Variants in TK2 observed in about 807,000 individuals in gnomAD.
TK2 encodes the protein thymidine kinase 2, also known as thymidine kinase 2, mitochondrial.
Under a neutral mutation model 41.9 loss-of-function variants are expected in TK2, and 35 were observed. The observed-to-expected ratio is 0.84, with a 90% CI of 0.64 to 1.11. The LOEUF is 1.11. Ranked by LOEUF, TK2 falls within the 50% of genes least tolerant of loss-of-function variation. TK2 has a pLI of 0.00. For missense variants in TK2, 320 were observed against 351.1 expected (o/e 0.91, Z 0.71); for synonymous variants, 128 against 129.1 (o/e 0.99, Z 0.06).
At chr16:66,550,129 CCAGCCGTTGGGCGCCG>C, upstream of TK2, 1 of 1,612,180 alleles carries the variant, frequency 6.2e-7, no homozygotes, top group Non-Finnish European at 8.5e-7. Context: ...GACTGCTAGT[CCAGCCGTTGGGCGCCG>C]CCTGGATCCC....
chr16:66,548,317 T>C (rs1231558878), intron 2 of TK2, among the ~76,000 whole-genome samples: 1 of 152,148 alleles, frequency 6.6e-6, no homozygotes, highest in Non-Finnish European at 1.5e-5. Flanking sequence ...CTGCCACCAC[T>C]TGCCAAGCCA....
At chr16:66,516,778 G>A (rs922114965) in intron 8 of TK2, among the ~76,000 whole-genome samples, 8 of 152,080 alleles carry the variant, frequency 5.3e-5, no homozygotes, top group Admixed American at 2.6e-4. Context: ...CCTGGAACTC[G>A]CATTCTAGGG....
chr16:66,508,281 T>TGTAAA lies in TK2; in HGVS notation c.*3682_*3686dup, dbSNP rs1964351623. The TGTAAA allele has an allele frequency of 6.6e-6, 1 of 152,248 alleles. No homozygotes were observed. Among genetic ancestry groups the TGTAAA allele is most frequent in the Non-Finnish European group, 1.5e-5 (1 of 68,044 alleles). 9.4% of individuals were successfully genotyped at this position (152,248 alleles called of 1,614,324 possible). ...AGCTTTTGCCAAGTTCACCATCTTA[T>TGTAAA]GTAAACTAAAGGAACACGAAATTCA... On this transcript the variant is annotated 3_prime_UTR_variant, in exon 10 of 10. Transcript: ENST00000544898.
intron 1 of TK2, chr16:66,549,429 C>A: frequency 1.9e-6 from 2 of 1,077,502 alleles, no homozygotes; most frequent in Middle Eastern, 9.0e-4. Flanking sequence ...GCCCATCCGT[C>A]CCACAGGTGG....
chr16:66,511,524 C>T lies in TK2; in HGVS notation c.*444G>A. 1 of 302,992 alleles carries T rather than the reference C, an allele frequency of 3.3e-6. No individual in the cohort carries two copies. Among genetic ancestry groups the T allele is most frequent in the Non-Finnish European group, 6.4e-6 (1 of 155,406 alleles). The allele number at this position is 302,992 out of a possible 1,614,324, so 18.8% of individuals were successfully genotyped here. ...TGAATGGTGCCAGCTCCACTGCACACAGGCTGTGTGACCTCTGGGGAGCCC... is the reference window on the plus strand; with the variant it reads ...TGAATGGTGCCAGCTCCACTGCACATAGGCTGTGTGACCTCTGGGGAGCCC... On this transcript the variant is annotated 3_prime_UTR_variant, in exon 10 of 10. Coordinates refer to ENST00000544898, the MANE Select transcript of TK2 (RefSeq NM_004614.5).
At chr16:66,520,119 G>C (rs1964737318) in intron 6 of TK2, among the ~76,000 whole-genome samples, 1 of 152,176 alleles carries the variant, frequency 6.6e-6, no homozygotes, top group Admixed American at 6.5e-5. Context: ...GGCCAGGGCA[G>C]ACCAACCTGT....
intron 2 of TK2, among the ~76,000 whole-genome samples, chr16:66,543,853 C>T (rs1965529102): frequency 6.6e-6 from 1 of 152,162 alleles, no homozygotes; most frequent in Admixed American, 6.5e-5. Context: ...CACAAGGCCA[C>T]TCTCCCATCC....
At chr16:66,515,587 A>G (rs1320464700) in intron 8 of TK2, among the ~76,000 whole-genome samples, 2 of 152,206 alleles carry the variant, frequency 1.3e-5, no homozygotes, top group Admixed American at 1.3e-4. Context: ...TCTCCTGCCC[A>G]GCTCTCCCTT....
At position 66,536,998 on chromosome 16, in the gene TK2, G is replaced by T. The variant is rs751112288; in HGVS notation, c.251C>A (p.Ser84Tyr). ...TDVEVLTEPV[S>Y]KWRNVRGHNP... ...GTGGCCACGGACATTTCTCCACTTG[G>T]ACACAGGCTCCGTTAACACCTGGAA... The change falls in exon 4 of 10, where the codon TCC becomes TAC. Residue 84 changes from serine (S) to tyrosine (Y), a missense_variant. Coordinates refer to ENST00000544898, the MANE Select transcript of TK2 (RefSeq NM_004614.5). 1 of 1,614,072 alleles carries T rather than the reference G, an allele frequency of 6.2e-7. No individual in the cohort carries two copies. The highest frequency in any genetic ancestry group is 2.2e-5 in the East Asian group (1 of 44,880).
In TK2 at chr16:66,514,438, T is replaced by C. The variant is rs1964546532; in HGVS notation, c.619-627A>G. Among the ~76,000 whole-genome samples the C allele has an allele frequency of 6.6e-6, 1 of 152,212 alleles. No individual in the cohort carries two copies. The highest frequency in any genetic ancestry group is 6.5e-5 in the Admixed American group (1 of 15,278). The stretch of plus-strand genomic sequence containing the variant: ...ACTCAGTGCTCAATGTTGCCCAGGC[T>C]GGAGTGCAGTGGCGTGATCTCGGCT... On this transcript the variant is annotated intron_variant, in intron 8 of 9. Transcript: ENST00000544898. The surrounding 1 kb of genome is among the most constrained non-coding windows in gnomAD (Gnocchi z 4.2).
intron 4 of TK2, 32 bp downstream of exon 4, chr16:66,536,932 C>T: frequency 1.9e-6 from 3 of 1,613,906 alleles, no homozygotes; most frequent in Non-Finnish European, 2.5e-6. Context: ...TAAGGGGAAG[C>T]CGGGGGTTCA....
chr16:66,530,644 A>G (rs1328950028), intron 5 of TK2, among the ~76,000 whole-genome samples: 1 of 152,104 alleles, frequency 6.6e-6, no homozygotes, highest in Non-Finnish European at 1.5e-5. Context: ...TTGATAAAAC[A>G]CAGATTGCTG....
rs1964454092 is a variant in TK2 at position 66,511,694 on chromosome 16, C to T, written c.*274G>A. On this transcript the variant is annotated 3_prime_UTR_variant, in exon 10 of 10. Coordinates refer to ENST00000544898, the MANE Select transcript of TK2 (RefSeq NM_004614.5). ...GCTCTCCCTAAGGGCTTCATGAGAGCGACTCAGCAGCACAAAGCCATGGGA... is the reference window on the plus strand; with the variant it reads ...GCTCTCCCTAAGGGCTTCATGAGAGTGACTCAGCAGCACAAAGCCATGGGA... The T allele has an allele frequency of 1.1e-5, 6 of 522,356 alleles. No homozygotes were observed. The highest frequency in any genetic ancestry group is 3.6e-5 in the East Asian group (1 of 27,656). 32.4% of individuals were successfully genotyped at this position (522,356 alleles called of 1,614,324 possible).
chr16:66,549,250 T>C (rs1353265113), intron 1 of TK2: 1 of 1,353,620 alleles, frequency 7.4e-7, no homozygotes, highest in South Asian at 1.7e-5. Context: ...ACTTAGTACA[T>C]TATACTTTGC....
chr16:66,523,621 G>C (rs1964844425), intron 6 of TK2, among the ~76,000 whole-genome samples: 1 of 152,192 alleles, frequency 6.6e-6, no homozygotes, highest in Admixed American at 6.5e-5. Context: ...TTGAGGTCAG[G>C]AGTTCGAGAC....
intron 4 of TK2, among the ~76,000 whole-genome samples, chr16:66,533,872 G>A (rs1965195248): frequency 6.6e-6 from 1 of 151,948 alleles, no homozygotes; most frequent in African/African-American, 2.4e-5. Context: ...GCCAGGTGTG[G>A]TGGTGGGCGC....
intron 4 of TK2, among the ~76,000 whole-genome samples, chr16:66,533,220 C>G (rs766603304): frequency 6.6e-6 from 1 of 151,374 alleles, no homozygotes; most frequent in Non-Finnish European, 1.5e-5. Flanking sequence ...CAGGCATGCA[C>G]CACCACACCC....
At chr16:66,521,421 G>A (rs772653337) in intron 6 of TK2, among the ~76,000 whole-genome samples, 1 of 152,220 alleles carries the variant, frequency 6.6e-6, no homozygotes, top group Admixed American at 6.5e-5. Flanking sequence ...TGCAGACTGA[G>A]GGGCAGCCTC....
chr16:66,518,326 A>G (rs1964677678), intron 6 of TK2, among the ~76,000 whole-genome samples: 1 of 152,198 alleles, frequency 6.6e-6, no homozygotes, highest in East Asian at 1.9e-4. Flanking sequence ...CAGAAGTTCA[A>G]GATCTGCCTG....
Sources: allele counts gnomAD v4.1 joint callset (sites outside exome capture counted in the v4.1 genomes callset), GRCh38; gene constraint gnomAD v4.1.1; non-coding constraint Gnocchi (gnomAD v3.1); transcripts MANE v1.5; gene names NCBI Gene and HGNC (gene_info 2026-07-23, HGNC 2026-07-21).